SI: variants seen among roughly 807,000 people sequenced by gnomAD.
The protein encoded by SI is sucrase-isomaltase.
A neutral mutation model predicts 253.3 loss-of-function variants in SI; 235 were observed. The ratio of observed to expected loss-of-function variants is 0.93; its 90% CI spans 0.83 to 1.03. The LOEUF (loss-of-function observed/expected upper bound fraction) is 1.03. Among genes scored for constraint, SI ranks in the 50% least tolerant of loss-of-function variants. SI has a pLI of 0.00. For synonymous variants in SI, 819 were observed against 712.0 expected (o/e 1.15, Z -2.39); for missense variants, 2,442 against 2,211.1 (o/e 1.10, Z -2.09).
chr3:165,059,962 A>G lies in SI; in HGVS notation c.1086T>C (p.Tyr362=). 1.2e-6 allele frequency: 2 copies of G among 1,612,266 alleles called. No homozygotes were observed. The highest frequency in any genetic ancestry group is 1.3e-5 in the African/African-American group (1 of 74,948). The change falls in exon 10 of 48, where the codon TAT becomes TAC. Residue 362 remains tyrosine (Y), a synonymous_variant. Transcript: ENST00000264382. ...CTTCTTTCACTACATCTAGTGACTT[A>G]TAATTCCAGCGACTTAGTTGGAATC... ...NLGFQLSRWN[Y]KSLDVVKEVV... is the part of the protein sequence containing the mutation.
chr3:165,080,727 G>T (rs1715284979), upstream of SI, among the ~76,000 whole-genome samples: 1 of 151,956 alleles, frequency 6.6e-6, no homozygotes, highest in Non-Finnish European at 1.5e-5. Flanking sequence ...ACAGGAAGGG[G>T]AACATCGCAC....
intron 45 of SI, among the ~76,000 whole-genome samples, chr3:164,984,570 G>A (rs1394687778): frequency 6.6e-6 from 1 of 151,912 alleles, no homozygotes; most frequent in East Asian, 1.9e-4. Context: ...TTTAATAAGA[G>A]GAAGAAAGAT....
rs369099715 is a variant in SI, at chr3:164,991,463, G to A, written c.4998C>T (p.Gly1666=). 1.9e-5 allele frequency: 31 copies of A among 1,613,458 alleles called. No homozygotes were observed. Among genetic ancestry groups the A allele is most frequent in the South Asian group, 1.6e-4 (15 of 91,068 alleles). Residue 1666 remains glycine (G), a synonymous_variant, in exon 44 of 48, where the codon GGC becomes GGT. Coordinates refer to ENST00000264382, the MANE Select transcript of SI (RefSeq NM_001041.4). ...WFDYHTGKDI[G]VRGQFQTFNA... is the part of the protein sequence containing the mutation. Reference sequence around the variant, plus strand: ...TAAATGTTTGAAATTGTCCTCTGACGCCAATATCTTTGCCCTGGAAATGAA... The same window carrying A: ...TAAATGTTTGAAATTGTCCTCTGACACCAATATCTTTGCCCTGGAAATGAA...
At chr3:164,998,454 T>G in intron 38 of SI, 86 bp downstream of exon 38, 1 of 1,400,010 alleles carries the variant, frequency 7.1e-7, no homozygotes, top group Non-Finnish European at 1.0e-6. Flanking sequence ...TTCTGAGGAC[T>G]TATAAATGTT....
chr3:165,082,128 G>T (rs1715349963), upstream of SI, among the ~76,000 whole-genome samples: 1 of 151,908 alleles, frequency 6.6e-6, no homozygotes, highest in Non-Finnish European at 1.5e-5. Flanking sequence ...ACAGTCTAAA[G>T]TAGAACTCTT....
At position 165,067,467 on chromosome 3, in the gene SI, A is replaced by G. The variant is rs1714304021; in HGVS notation, c.508T>C (p.Tyr170His). ...FKITDPNNRR[Y>H]EVPHQYVKEF... ...TTTACATACTGATGAGGAACTTCAT[A>G]TCTTCTATTATTTGGATCAGTAATC... Residue 170 changes from tyrosine (Y) to histidine (H), a missense_variant, in exon 6 of 48, where the codon TAT becomes CAT. By Grantham distance (83) the Tyr-to-His change is moderately conservative. Coordinates refer to ENST00000264382, the MANE Select transcript of SI (RefSeq NM_001041.4). 3.7e-6 allele frequency: 6 copies of G among 1,610,122 alleles called. No individual in the cohort carries two copies. In the South Asian group the frequency reaches 6.6e-5, roughly 18 times the overall value.
At chr3:165,032,843 A>G in intron 23 of SI, 151 bp from the exon 24 acceptor site, 1 of 546,912 alleles carries the variant, frequency 1.8e-6, no homozygotes, top group Non-Finnish European at 3.2e-6. Context: ...AAATATACTC[A>G]TTAATATCTA....
At chr3:165,082,104 T>C (rs1474794847), upstream of SI, among the ~76,000 whole-genome samples, 1 of 151,894 alleles carries the variant, frequency 6.6e-6, no homozygotes, top group Non-Finnish European at 1.5e-5. Context: ...TACCCAAATT[T>C]CCAGATATCT....
intron 3 of SI, 92 bp from the exon 4 acceptor site, chr3:165,069,287 A>G: frequency 1.1e-6 from 1 of 914,724 alleles, no homozygotes; most frequent in Non-Finnish European, 1.8e-6. Context: ...TTTTAAAATA[A>G]TCTAACTTTT....
At chr3:165,077,064 T>G (rs1024435405) in intron 1 of SI, among the ~76,000 whole-genome samples, 1 of 150,724 alleles carries the variant, frequency 6.6e-6, no homozygotes, top group African/African-American at 2.4e-5. Flanking sequence ...CCTAAACACC[T>G]TTTTTTCCTT....
upstream of SI, among the ~76,000 whole-genome samples, chr3:165,081,948 C>T (rs947547174): frequency 6.6e-6 from 1 of 151,912 alleles, no homozygotes; most frequent in Admixed American, 6.6e-5. Context: ...TGAAGAGCTT[C>T]CAGAAAATAA....
At chr3:165,044,728 T>C (rs745516579) in intron 16 of SI, among the ~76,000 whole-genome samples, 4 of 152,026 alleles carry the variant, frequency 2.6e-5, no homozygotes, top group Non-Finnish European at 4.4e-5. Context: ...AATGTTCTTT[T>C]GATGAACAGA....
intron 26 of SI, among the ~76,000 whole-genome samples, chr3:165,021,677 TG>T (rs1218539129): frequency 6.6e-6 from 1 of 151,678 alleles, no homozygotes; most frequent in African/African-American, 2.4e-5. Context: ...TTCTGTTGTA[TG>T]GGTATACCAA....
intron 2 of SI, among the ~76,000 whole-genome samples, chr3:165,075,684 C>T (rs1403463433): frequency 2.0e-5 from 3 of 151,826 alleles, no homozygotes; most frequent in Non-Finnish European, 4.4e-5. Context: ...CAATTCATGT[C>T]AAAGCACATG....
intron 22 of SI, among the ~76,000 whole-genome samples, chr3:165,035,162 A>G (rs529059999): frequency 6.6e-6 from 1 of 152,164 alleles, no homozygotes; most frequent in African/African-American, 2.4e-5. Flanking sequence ...TTAGATTTTT[A>G]TTAGACAAAC....
Position 165,036,325 on chromosome 3 carries a change from T to A in SI, c.2515+64A>T, listed in dbSNP as rs542653763. 20 of 1,079,800 alleles carry A rather than the reference T, an allele frequency of 1.9e-5. No homozygotes were observed. In the African/African-American group the frequency reaches 2.2e-4, roughly 12 times the overall value. The allele number at this position is 1,079,800 out of a possible 1,614,324, so 66.9% of individuals were successfully genotyped here. ...TATTTAAAAAATGATACAACCTATA[T>A]CAATAAAGCCAAAACTTCCCATTAT... On this transcript the variant is annotated intron_variant, in intron 22 of 47. Transcript: ENST00000264382.
intron 5 of SI, among the ~76,000 whole-genome samples, 159 bp downstream of exon 5, chr3:165,068,563 C>T (rs1199809174): frequency 1.3e-5 from 2 of 152,092 alleles, no homozygotes; most frequent in African/African-American, 2.4e-5. Context: ...TTAATAGAGA[C>T]GGGGTTTCAC....
chr3:165,029,910 C>T (rs1325619279), intron 25 of SI, among the ~76,000 whole-genome samples: 1 of 150,268 alleles, frequency 6.7e-6, no homozygotes, highest in Non-Finnish European at 1.5e-5. Context: ...TTCTTATATT[C>T]TTCCCTATTC....
At position 165,004,088 on chromosome 3, in the gene SI, A is replaced by T. The variant is rs1298551416; in HGVS notation, c.4406+2728T>A. Among the ~76,000 whole-genome samples the T allele has an allele frequency of 2.0e-5, 3 of 152,164 alleles. No homozygotes were observed. In the East Asian group the frequency reaches 5.8e-4, roughly 29 times the overall value. On this transcript the variant is annotated intron_variant, in intron 37 of 47. Transcript: ENST00000264382. ...ATGACCAGAATATATAAGGAGCTCAAACAACTCTATAGGAAAAACTTCTAA... is the reference window on the plus strand; with the variant it reads ...ATGACCAGAATATATAAGGAGCTCATACAACTCTATAGGAAAAACTTCTAA...
Sources: allele counts gnomAD v4.1 joint callset (sites outside exome capture counted in the v4.1 genomes callset), GRCh38; gene constraint gnomAD v4.1.1; transcripts MANE v1.5; gene names NCBI Gene and HGNC (gene_info 2026-07-23, HGNC 2026-07-21).